Variants in PIK3C3 observed in about 807,000 individuals in gnomAD.
PIK3C3 encodes phosphatidylinositol 3-kinase catalytic subunit type 3, also known as PI3-kinase type 3.
A neutral mutation model predicts 126.1 loss-of-function variants in PIK3C3; 95 were observed. That is an observed-to-expected ratio of 0.75 (90% CI 0.64 to 0.89). The LOEUF (loss-of-function observed/expected upper bound fraction) is 0.89. Ranked by LOEUF, PIK3C3 falls within the 40% of genes least tolerant of loss-of-function variation. PIK3C3 has a pLI of 0.00. For synonymous variants in PIK3C3, 374 were observed against 360.0 expected, an observed-to-expected ratio of 1.04 and a Z score of -0.44; for missense variants, 829 against 1,063.2, an observed-to-expected ratio of 0.78 and a Z score of 3.06.
At chr18:42,036,624 A>G (rs988561872) in intron 16 of PIK3C3, among the ~76,000 whole-genome samples, 1 of 151,582 alleles carries the variant, frequency 6.6e-6, no homozygotes, top group Non-Finnish European at 1.5e-5. Context: ...TAAAAAGAAT[A>G]TAATTTCTTT....
At chr18:41,961,143 T>A (rs1238223336) in intron 2 of PIK3C3, among the ~76,000 whole-genome samples, 1 of 152,208 alleles carries the variant, frequency 6.6e-6, no homozygotes, top group Middle Eastern at 3.2e-3. Context: ...AGTTGGTCAT[T>A]GGTGTTGTCT....
intron 10 of PIK3C3, among the ~76,000 whole-genome samples, chr18:42,007,070 G>A (rs1333875690): frequency 6.6e-6 from 1 of 151,926 alleles, no homozygotes; most frequent in Non-Finnish European, 1.5e-5. Context: ...GGGTTTCACC[G>A]TGTTAGCCAG....
rs1395649593 is a variant in PIK3C3 at position 42,013,433 on chromosome 18, G to A, written c.1171-9G>A. 4 of 1,454,870 alleles carry A rather than the reference G, an allele frequency of 2.7e-6. No homozygotes were observed. The highest frequency in any genetic ancestry group is 3.7e-6 in the Non-Finnish European group (4 of 1,094,810). 90.1% of individuals were successfully genotyped at this position (1,454,870 alleles called of 1,614,324 possible). On this transcript the variant is annotated splice_polypyrimidine_tract_variant and intron_variant, in intron 10 of 24. Coordinates refer to ENST00000262039, the MANE Select transcript of PIK3C3 (RefSeq NM_002647.4). ...TCCTAATATTACTTTACTTTTTTTT[G>A]TTTTCCAGGATTTGTTGATGTACCT...
chr18:42,030,335 C>A (rs1479765081), intron 15 of PIK3C3, among the ~76,000 whole-genome samples: 1 of 152,124 alleles, frequency 6.6e-6, no homozygotes, highest in Non-Finnish European at 1.5e-5. Context: ...TAGATGAGTT[C>A]TTCACGTGAC....
chr18:42,017,712 A>C (rs1397993367), intron 12 of PIK3C3, among the ~76,000 whole-genome samples: 1 of 151,986 alleles, frequency 6.6e-6, no homozygotes, highest in Middle Eastern at 3.2e-3. Context: ...GTTTTGTCTG[A>C]TGTTAATAGA....
At chr18:41,969,245 TAA>T (rs941189361) in intron 3 of PIK3C3, among the ~76,000 whole-genome samples, 3 of 152,176 alleles carry the variant, frequency 2.0e-5, no homozygotes, top group Non-Finnish European at 4.4e-5. Flanking sequence ...TTTTTATTTC[TAA>T]GAGTAAGAAA....
At chr18:42,062,783 G>A (rs775982732) in intron 22 of PIK3C3, among the ~76,000 whole-genome samples, 2 of 151,872 alleles carry the variant, frequency 1.3e-5, no homozygotes, top group Admixed American at 6.6e-5. Flanking sequence ...TGTCTAAAAC[G>A]AAATTCTTGA....
At position 42,020,652 on chromosome 18, in the gene PIK3C3, C is replaced by T. The variant is rs994305763; in HGVS notation, c.1431C>T (p.Thr477=). 1.2e-6 allele frequency: 2 copies of T among 1,600,438 alleles called. No individual in the cohort carries two copies. The highest frequency in any genetic ancestry group is 1.3e-5 in the African/African-American group (1 of 74,476). ...DGENLEQDLC[T]FLISRACKNS... is the part of the protein sequence containing the mutation. ...AATTCTTTCAGCAAGATCTCTGTAC[C>T]TTCTTGATATCGAGAGCCTGCAAAA... Residue 477 remains threonine (T), a synonymous_variant, in exon 13 of 25, where the codon ACC becomes ACT. Transcript: ENST00000262039.
chr18:42,064,524 T>C (rs1985453132), intron 22 of PIK3C3, among the ~76,000 whole-genome samples: 1 of 152,144 alleles, frequency 6.6e-6, no homozygotes, highest in Non-Finnish European at 1.5e-5. Context: ...GTCTGTCCCA[T>C]GGTGTAGGAT....
intron 20 of PIK3C3, among the ~76,000 whole-genome samples, 184 bp downstream of exon 20, chr18:42,044,001 A>G (rs1984445405): frequency 1.3e-5 from 2 of 152,206 alleles, no homozygotes; most frequent in Admixed American, 1.3e-4. Flanking sequence ...CAAGGTGTAA[A>G]TTCTATTTAG....
chr18:42,014,472 T>C (rs762389284), intron 11 of PIK3C3, among the ~76,000 whole-genome samples: 1 of 152,212 alleles, frequency 6.6e-6, no homozygotes, highest in Non-Finnish European at 1.5e-5. Context: ...AGGTACGTAT[T>C]CCTGTCCCTA....
intron 14 of PIK3C3, 100 bp from the exon 15 acceptor site, chr18:42,029,225 A>G: frequency 1.3e-6 from 1 of 744,830 alleles, no homozygotes; most frequent in South Asian, 1.5e-5. Context: ...ATTTAAGTTT[A>G]TAACTGTGAG....
chr18:42,003,643 A>G (rs1982398700), intron 9 of PIK3C3, among the ~76,000 whole-genome samples: 1 of 152,122 alleles, frequency 6.6e-6, no homozygotes, highest in Non-Finnish European at 1.5e-5. Flanking sequence ...CTCCAAGACA[A>G]TTTGCTTAAC....
intron 4 of PIK3C3, 84 bp downstream of exon 4, chr18:41,970,540 A>G: frequency 8.3e-7 from 1 of 1,199,918 alleles, no homozygotes; most frequent in Non-Finnish European, 1.2e-6. Context: ...GAACTCTGTC[A>G]GATTTTTAAA....
At chr18:41,997,576 T>C (rs536638694) in intron 9 of PIK3C3, among the ~76,000 whole-genome samples, 1 of 152,256 alleles carries the variant, frequency 6.6e-6, no homozygotes, top group East Asian at 1.9e-4. Context: ...TTTAAAATAG[T>C]CTGTAAAATC....
chr18:42,044,853 A>G (rs148932654), intron 20 of PIK3C3, among the ~76,000 whole-genome samples: 5 of 152,300 alleles, frequency 3.3e-5, no homozygotes, highest in African/African-American at 1.2e-4. Context: ...TAAGCGCTAT[A>G]TTTGTTTATG....
intron 21 of PIK3C3, chr18:42,050,477 A>G (rs558329318): frequency 1.3e-5 from 2 of 152,182 alleles, no homozygotes; most frequent in Non-Finnish European, 2.9e-5. Context: ...GGCCAGTTGT[A>G]AAAGGTTGTC....
chr18:42,027,647 A>G (rs760735967), intron 14 of PIK3C3, 99 bp downstream of exon 14: 21 of 511,464 alleles, frequency 4.1e-5, no homozygotes, highest in Non-Finnish European at 5.5e-5. Context: ...ATGGTTTTAT[A>G]TATTTATTTT....
At chr18:42,049,403 C>A in intron 20 of PIK3C3, 128 bp from the exon 21 acceptor site, 1 of 529,888 alleles carries the variant, frequency 1.9e-6, no homozygotes, top group Non-Finnish European at 3.3e-6. Context: ...TTTGAGAATT[C>A]AGATGAGAAA....
Sources: gnomAD v4.1 joint callset for allele counts (sites outside exome capture counted in the v4.1 genomes callset) on GRCh38, gnomAD v4.1.1 for gene constraint, MANE v1.5 for transcripts, NCBI Gene and HGNC (gene_info 2026-07-23, HGNC 2026-07-21) for gene names.